The following DLGAP2 variants were observed in gnomAD, a reference collection of about 807,000 sequenced individuals.
The protein encoded by DLGAP2 is disks large-associated protein 2.
Under a neutral mutation model 100.3 loss-of-function variants are expected in DLGAP2, and 26 were observed. The ratio of observed to expected loss-of-function variants is 0.26; its 90% CI spans 0.19 to 0.36. The LOEUF (loss-of-function observed/expected upper bound fraction) is 0.36. DLGAP2 is among the 10% of genes least tolerant of loss of function. The probability of loss-of-function intolerance (pLI) is 1.00; values close to 1 mark genes in which losing one functional copy is unlikely to be tolerated. For missense variants in DLGAP2, 1,858 were observed against 1,453.2 expected (o/e 1.28, Z -4.53); for synonymous variants, 886 against 630.1 (o/e 1.41, Z -6.08).
chr8:1,589,656 C>G (rs113768914), intron 6 of DLGAP2, among the ~76,000 whole-genome samples: 13,621 of 152,216 alleles, frequency 0.089, 875 homozygotes, highest in African/African-American at 0.19. Context: ...TCACGTAGCC[C>G]AGGCTGGTCT....
rs1799727571 is a variant in DLGAP2, at chr8:1,707,051, A to T, written c.*5645A>T. ...ACTTAACAGATGACTTCTTTGCAGA[A>T]GAAATGTTCGTTACCTACTATCAAA... On this transcript the variant is annotated 3_prime_UTR_variant, in exon 15 of 15. Transcript: ENST00000637795. 1 of 152,688 alleles carries T rather than the reference A, an allele frequency of 6.5e-6. No homozygotes were observed. Among genetic ancestry groups the T allele is most frequent in the Admixed American group, 6.5e-5 (1 of 15,284 alleles). The allele number at this position is 152,688 out of a possible 1,614,324, so 9.5% of individuals were successfully genotyped here. A position where few individuals can be genotyped will look rare whatever the true frequency, so the allele number is the denominator to read the frequency against.
chr8:1,320,025 G>A (rs978710424), intron 3 of DLGAP2, among the ~76,000 whole-genome samples: 4 of 152,122 alleles, frequency 2.6e-5, no homozygotes, highest in African/African-American at 4.8e-5. Flanking sequence ...ACATGAAGAC[G>A]AAAGGTGTTG....
At chr8:1,254,923 G>A (rs1483640854) in intron 2 of DLGAP2, among the ~76,000 whole-genome samples, 1 of 151,428 alleles carries the variant, frequency 6.6e-6, no homozygotes, top group East Asian at 1.9e-4. Context: ...CCCAGGTGCT[G>A]TGTGTGTGCC....
intron 1 of DLGAP2, among the ~76,000 whole-genome samples, chr8:793,240 C>T (rs1203230952): frequency 1.3e-5 from 2 of 152,098 alleles, no homozygotes; most frequent in African/African-American, 4.8e-5. Flanking sequence ...ATGTTTATTC[C>T]CACATAAAAT....
At chr8:1,162,281 G>T (rs929916635) in intron 2 of DLGAP2, among the ~76,000 whole-genome samples, 1 of 152,172 alleles carries the variant, frequency 6.6e-6, no homozygotes, top group Admixed American at 6.5e-5. Context: ...ACCCTGCACC[G>T]GCGTCTGCGT....
intron 2 of DLGAP2, among the ~76,000 whole-genome samples, chr8:1,071,142 C>G (rs1299988444): frequency 6.6e-6 from 1 of 152,170 alleles, no homozygotes. Flanking sequence ...TGACTGCAGC[C>G]CAGCTGCCGA....
intron 3 of DLGAP2, among the ~76,000 whole-genome samples, chr8:1,471,772 C>T (rs1251322802): frequency 6.6e-6 from 1 of 152,192 alleles, no homozygotes; most frequent in Admixed American, 6.5e-5. Flanking sequence ...CTACTCCCAT[C>T]CTTGGGTTCA....
In DLGAP2 at chr8:1,265,539, A is replaced by G. The variant is rs577253417; in HGVS notation, c.106+6656A>G. Among the ~76,000 whole-genome samples the G allele has an allele frequency of 1.7e-4, 26 of 152,360 alleles. No individual in the cohort carries two copies. The South Asian group carries it at 3.5e-3, about 21-fold the overall frequency. On this transcript the variant is annotated intron_variant, in intron 3 of 14. Coordinates refer to ENST00000637795, the MANE Select transcript of DLGAP2 (RefSeq NM_001346810.2). ...ATGGGGAGAAAGGAGAAGCAGCATT[A>G]GTCAAAGAAGTAAAGGCCAAGATTT...
chr8:1,492,518 C>G (rs979735476), intron 3 of DLGAP2, among the ~76,000 whole-genome samples: 1 of 152,232 alleles, frequency 6.6e-6, no homozygotes. Context: ...GTTCCGGAAG[C>G]AGCTCCTGTG....
chr8:1,516,105 GTGAA>G (rs781044440), intron 4 of DLGAP2, among the ~76,000 whole-genome samples: 19 of 150,852 alleles, frequency 1.3e-4, no homozygotes, highest in Non-Finnish European at 4.4e-5. Context: ...GAGTGACTGA[GTGAA>G]TGAGTGACTG....
At chr8:910,868 G>A (rs1353789023) in intron 2 of DLGAP2, among the ~76,000 whole-genome samples, 1 of 152,102 alleles carries the variant, frequency 6.6e-6, no homozygotes, top group Non-Finnish European at 1.5e-5. Flanking sequence ...TCGCCAAGCA[G>A]AGCAGGCCTT....
chr8:788,929 G>C (rs769351189), intron 1 of DLGAP2, among the ~76,000 whole-genome samples: 7 of 152,162 alleles, frequency 4.6e-5, no homozygotes, highest in South Asian at 2.1e-4. Context: ...AAGCACAGAT[G>C]GTTCCTGTGC....
intron 2 of DLGAP2, among the ~76,000 whole-genome samples, chr8:1,043,871 G>T (rs1042201630): frequency 6.6e-6 from 1 of 152,080 alleles, no homozygotes; most frequent in East Asian, 1.9e-4. Context: ...AGAAGCAAGC[G>T]TGCCTCGCTG....
chr8:1,543,403 G>A lies in DLGAP2; in HGVS notation c.173-5223G>A, dbSNP rs563084061. On this transcript the variant is annotated intron_variant, in intron 4 of 14. Coordinates refer to ENST00000637795, the MANE Select transcript of DLGAP2 (RefSeq NM_001346810.2). ...ATGGGGGTTAAATTCATTGTTTGGT[G>A]TGTAGAAATTGGGTTATCCTAGCAT... Among the ~76,000 whole-genome samples, 4 of 152,330 alleles carry A rather than the reference G, an allele frequency of 2.6e-5. No individual in the cohort carries two copies. In the East Asian group the frequency reaches 7.7e-4, roughly 29 times the overall value.
At chr8:1,232,254 G>A (rs377619179) in intron 2 of DLGAP2, among the ~76,000 whole-genome samples, 1 of 152,220 alleles carries the variant, frequency 6.6e-6, no homozygotes, top group South Asian at 2.1e-4. Context: ...AACGCAAAAG[G>A]ACCCCGTGCT....
intron 2 of DLGAP2, among the ~76,000 whole-genome samples, chr8:1,026,072 C>G (rs184354115): frequency 6.6e-6 from 1 of 152,210 alleles, no homozygotes; most frequent in African/African-American, 2.4e-5. Flanking sequence ...CACTTCGTCC[C>G]GGCTTCCAGG....
At chr8:1,528,017 C>G (rs956638896) in intron 4 of DLGAP2, among the ~76,000 whole-genome samples, 9 of 152,182 alleles carry the variant, frequency 5.9e-5, no homozygotes, top group Non-Finnish European at 1.2e-4. Flanking sequence ...GAAAAAAGTC[C>G]TTACTGAAAG....
At chr8:1,475,644 T>G (rs565907803) in intron 3 of DLGAP2, among the ~76,000 whole-genome samples, 1 of 152,200 alleles carries the variant, frequency 6.6e-6, no homozygotes, top group South Asian at 2.1e-4. Flanking sequence ...TTGCTTGTCA[T>G]CCCGGGACCC....
At chr8:1,671,533 G>C (rs1189228542) in intron 10 of DLGAP2, among the ~76,000 whole-genome samples, 1 of 152,192 alleles carries the variant, frequency 6.6e-6, no homozygotes, top group Non-Finnish European at 1.5e-5. Flanking sequence ...CCTGTCCCGG[G>C]GTGGGGGGTC....
Sources: gnomAD v4.1 joint callset for allele counts (sites outside exome capture counted in the v4.1 genomes callset) on GRCh38, gnomAD v4.1.1 for gene constraint, MANE v1.5 for transcripts, NCBI Gene and HGNC (gene_info 2026-07-23, HGNC 2026-07-21) for gene names.